Variants in DOCK4 observed in about 807,000 individuals in gnomAD.
The protein encoded by DOCK4 is dedicator of cytokinesis protein 4.
A neutral mutation model predicts 268.1 loss-of-function variants in DOCK4; 97 were observed. The observed-to-expected ratio is 0.36, with a 90% CI of 0.31 to 0.43. The LOEUF is 0.43. Among genes scored for constraint, DOCK4 ranks in the 20% least tolerant of loss-of-function variants. DOCK4 has a pLI of 1.00. For missense variants in DOCK4, 2,145 were observed against 2,455.7 expected (o/e 0.87, Z 2.67); for synonymous variants, 954 against 887.2 (o/e 1.08, Z -1.34).
At chr7:112,064,296 TCTATAAA>T (rs1806721792) in intron 1 of DOCK4, among the ~76,000 whole-genome samples, 1 of 151,962 alleles carries the variant, frequency 6.6e-6, no homozygotes, top group African/African-American at 2.4e-5. Context: ...TTTCAAAGAG[TCTATAAA>T]CCAACCAATA....
intron 1 of DOCK4, among the ~76,000 whole-genome samples, chr7:112,091,858 C>A (rs1265369850): frequency 1.3e-5 from 2 of 152,108 alleles, no homozygotes; most frequent in Non-Finnish European, 2.9e-5. Context: ...AGTGTCAAAC[C>A]CATACAGCCT....
At position 111,758,668 on chromosome 7, in the gene DOCK4, G is replaced by C; in HGVS notation, c.4285C>G (p.Arg1429Gly). 6.2e-7 allele frequency: 1 copy of C among 1,613,878 alleles called. No homozygotes were observed. Residue 1429 changes from arginine (R) to glycine (G), a missense_variant, in exon 41 of 53, where the codon CGA becomes GGA. By Grantham distance (125) the Arg-to-Gly change is moderately radical. This residue lies in a region of DOCK4 where 1,598 missense variants were observed against 1,986.7 expected (regional missense o/e 0.80). Transcript: ENST00000428084. ...VNHIWKFRYD[R>G]PFHKGTKDKE... ...TCTTTTGTGCCTTTGTGAAATGGTCGGTCATAGCGGAATTTCCAGATGTGA... is the reference window on the plus strand; with the variant it reads ...TCTTTTGTGCCTTTGTGAAATGGTCCGTCATAGCGGAATTTCCAGATGTGA...
At chr7:111,779,066 T>G (rs1798630097) in intron 35 of DOCK4, among the ~76,000 whole-genome samples, 1 of 137,454 alleles carries the variant, frequency 7.3e-6, no homozygotes, top group Non-Finnish European at 1.6e-5. Flanking sequence ...AAAATAAAAA[T>G]AAAAATCTCT....
Position 112,188,045 on chromosome 7 carries a change from C to T in DOCK4, c.37+18057G>A, listed in dbSNP as rs1819620651. Reference sequence around the variant, plus strand: ...CAATTCCCTGTTAAGGACAGAAAGACTTAGGGAAGTAGAGTGGTTTTATAC... The same window carrying T: ...CAATTCCCTGTTAAGGACAGAAAGATTTAGGGAAGTAGAGTGGTTTTATAC... On this transcript the variant is annotated intron_variant, in intron 1 of 52. Transcript: ENST00000428084. Among the ~76,000 whole-genome samples the T allele has an allele frequency of 2.0e-5, 3 of 152,144 alleles. No homozygotes were observed. In the South Asian group the frequency reaches 6.2e-4, roughly 32 times the overall value.
chr7:111,755,503 T>C lies in DOCK4; in HGVS notation c.4416+12A>G. 6.2e-7 allele frequency: 1 copy of C among 1,612,942 alleles called. No individual in the cohort carries two copies. Among genetic ancestry groups the C allele is most frequent in the Non-Finnish European group, 8.5e-7 (1 of 1,178,914 alleles). ...GATGAGAAAGTGCTTGAGAACAAGC[T>C]CTGATCCTTACCACTTCACGCTTTT... is the stretch of plus-strand genomic sequence containing the variant. On this transcript the variant is annotated intron_variant, in intron 42 of 52. Transcript: ENST00000428084.
intron 1 of DOCK4, among the ~76,000 whole-genome samples, chr7:112,138,003 C>T (rs1814525158): frequency 6.6e-6 from 1 of 152,130 alleles, no homozygotes; most frequent in Admixed American, 6.5e-5. Flanking sequence ...CATCATCATC[C>T]ACCTCTAGAT....
At chr7:111,841,841 T>C (rs769113183) in intron 25 of DOCK4, among the ~76,000 whole-genome samples, 14 of 152,196 alleles carry the variant, frequency 9.2e-5, no homozygotes, top group Admixed American at 7.2e-4. Context: ...CTTATTACAC[T>C]GTATGGCCTG....
At chr7:112,205,545 A>C (rs1166750402) in intron 1 of DOCK4, among the ~76,000 whole-genome samples, 1 of 152,152 alleles carries the variant, frequency 6.6e-6, no homozygotes, top group Admixed American at 6.5e-5. Flanking sequence ...GAGAGGGCTC[A>C]GCTTGTCAGA....
chr7:111,760,128 C>T, intron 40 of DOCK4, 53 bp downstream of exon 40: 3 of 1,592,776 alleles, frequency 1.9e-6, no homozygotes, highest in Admixed American at 1.7e-5. Flanking sequence ...AAATGCTCTG[C>T]AGCTAAGAGC....
At chr7:112,150,547 A>G (rs1430948515) in intron 1 of DOCK4, among the ~76,000 whole-genome samples, 1 of 152,146 alleles carries the variant, frequency 6.6e-6, no homozygotes, top group Admixed American at 6.5e-5. Flanking sequence ...AAGCAAGTCA[A>G]TCCTGGTCTG....
intron 1 of DOCK4, among the ~76,000 whole-genome samples, chr7:112,044,306 G>A (rs1170056261): frequency 1.3e-5 from 2 of 152,114 alleles, no homozygotes; most frequent in African/African-American, 4.8e-5. Flanking sequence ...TGCTGGACTG[G>A]AAATAGTAGA....
intron 5 of DOCK4, among the ~76,000 whole-genome samples, chr7:111,991,459 C>T (rs944397219): frequency 4.6e-5 from 7 of 152,100 alleles, no homozygotes; most frequent in African/African-American, 1.7e-4. Context: ...CAATATTAAA[C>T]ACTTGGAATA....
chr7:112,188,595 C>T (rs1014171021), intron 1 of DOCK4, among the ~76,000 whole-genome samples: 5 of 152,190 alleles, frequency 3.3e-5, no homozygotes, highest in African/African-American at 7.2e-5. Flanking sequence ...GTCTGGAACA[C>T]GCAATAATTC....
At chr7:112,039,955 T>C (rs1049752290) in intron 1 of DOCK4, among the ~76,000 whole-genome samples, 1 of 152,146 alleles carries the variant, frequency 6.6e-6, no homozygotes, top group Non-Finnish European at 1.5e-5. Context: ...ATTTATTCTA[T>C]TGTAATTGCC....
chr7:112,027,270 G>A (rs895292012), intron 1 of DOCK4, among the ~76,000 whole-genome samples: 5 of 152,040 alleles, frequency 3.3e-5, no homozygotes, highest in Non-Finnish European at 5.9e-5. Flanking sequence ...TGTTGCCCAG[G>A]GTGGAGTGCA....
intron 42 of DOCK4, among the ~76,000 whole-genome samples, chr7:111,753,001 C>CT (rs1221261358): frequency 2.9e-5 from 1 of 34,752 alleles, no homozygotes; most frequent in Non-Finnish European, 7.2e-5. Flanking sequence ...AGTTGATAAG[C>CT]TATTGGGGGG....
Position 111,763,867 on chromosome 7 carries a change from T to A in DOCK4, c.4020+1251A>T, listed in dbSNP as rs886135711. 4.6e-5 allele frequency among the ~76,000 whole-genome samples: 7 copies of A among 152,350 alleles called. No homozygotes were observed. In the South Asian group the frequency reaches 1.0e-3, roughly 23 times the overall value. ...CATGTATTCTGACTTTGCCATTTTT[T>A]AATTTTCATTTTCTGGGGGTCTTGC... is the stretch of plus-strand genomic sequence containing the variant. On this transcript the variant is annotated intron_variant, in intron 39 of 52. Coordinates refer to ENST00000428084, the MANE Select transcript of DOCK4 (RefSeq NM_001363540.2).
intron 39 of DOCK4, among the ~76,000 whole-genome samples, chr7:111,764,678 A>G (rs554819435): frequency 2.0e-5 from 3 of 152,230 alleles, no homozygotes; most frequent in East Asian, 3.9e-4. Flanking sequence ...GGTGACATTT[A>G]TCTTTTTACA....
intron 1 of DOCK4, among the ~76,000 whole-genome samples, chr7:112,197,425 C>T (rs1337826069): frequency 2.0e-5 from 3 of 151,884 alleles, no homozygotes; most frequent in Non-Finnish European, 2.9e-5. Flanking sequence ...AAATATTATT[C>T]GTGCACTCTG....
Sources: gnomAD v4.1 joint callset for allele counts (sites outside exome capture counted in the v4.1 genomes callset) on GRCh38, gnomAD v4.1.1 for gene constraint, gnomAD v4.1.1 regional missense constraint, MANE v1.5 for transcripts, NCBI Gene and HGNC (gene_info 2026-07-23, HGNC 2026-07-21) for gene names.